Variants in CELF4 observed in about 807,000 individuals in gnomAD.
CELF4 encodes the protein CUG-BP- and ETR-3-like factor 4.
Under a neutral mutation model 59.9 loss-of-function variants are expected in CELF4, and 18 were observed. That is an observed-to-expected ratio of 0.30 (90% CI 0.21 to 0.45). CELF4 has a LOEUF of 0.45. CELF4 is among the 20% of genes least tolerant of loss of function. The pLI, the probability that CELF4 is intolerant of heterozygous loss-of-function variation, is 1.00. For synonymous variants in CELF4, 261 were observed against 267.1 expected, an observed-to-expected ratio of 0.98 and a Z score of 0.22; for missense variants, 456 against 689.0, an observed-to-expected ratio of 0.66 and a Z score of 3.79.
intron 1 of CELF4, among the ~76,000 whole-genome samples, chr18:37,506,934 T>A (rs66492810): frequency 0.19 from 28,315 of 152,216 alleles, 2,831 homozygotes; most frequent in African/African-American, 0.26. Context: ...CACCCTCGTT[T>A]CCTTGGGCCA....
intron 1 of CELF4, among the ~76,000 whole-genome samples, chr18:37,491,875 C>T (rs28379947): frequency 0.012 from 1,803 of 152,290 alleles, 38 homozygotes; most frequent in African/African-American, 0.041. Flanking sequence ...GAATTAATTG[C>T]ACGGAGATGG....
intron 2 of CELF4, among the ~76,000 whole-genome samples, chr18:37,329,423 C>T (rs557742012): frequency 6.6e-6 from 1 of 152,250 alleles, no homozygotes. Flanking sequence ...CCCATGGGCT[C>T]TCAGTCCTAA....
chr18:37,377,368 A>T (rs536902), intron 2 of CELF4, among the ~76,000 whole-genome samples: 133,193 of 152,128 alleles, frequency 0.88, 58,662 homozygotes, highest in African/African-American at 0.97. Context: ...TCCTGGGAGC[A>T]TCAAGGAAAA....
chr18:37,264,621 C>A (rs2076516352), intron 10 of CELF4, 53 bp downstream of exon 10: 1 of 1,479,202 alleles, frequency 6.8e-7, no homozygotes, highest in South Asian at 1.2e-5. Context: ...TGAGCAGCCT[C>A]TTTGGGGACA....
intron 8 of CELF4, among the ~76,000 whole-genome samples, chr18:37,267,107 G>A (rs1277045759): frequency 6.6e-6 from 1 of 152,220 alleles, no homozygotes; most frequent in Non-Finnish European, 1.5e-5. Flanking sequence ...CACTGTCAGG[G>A]AAGCTGCACC....
chr18:37,542,967 T>A (rs1056362212), intron 1 of CELF4, among the ~76,000 whole-genome samples: 4 of 152,000 alleles, frequency 2.6e-5, no homozygotes, highest in Admixed American at 2.6e-4. Context: ...TTGAACTTGG[T>A]TAGAGCCCAA....
Position 37,358,291 on chromosome 18 carries a change from T to C in CELF4, c.370-36410A>G, listed in dbSNP as rs117925957. On this transcript the variant is annotated intron_variant, in intron 2 of 12. Transcript: ENST00000420428. ...TAAGTCTCACAAGATCTGGCAGTTT[T>C]AAAAACGGGAGTTTTTCTGCACAGC... Among the ~76,000 whole-genome samples, 435 of 152,282 alleles carry C rather than the reference T, an allele frequency of 2.9e-3. 19 individuals carry two copies. In the East Asian group the frequency reaches 0.065, roughly 23 times the overall value.
chr18:37,383,079 G>C (rs1409467682), intron 2 of CELF4, among the ~76,000 whole-genome samples: 1 of 152,050 alleles, frequency 6.6e-6, no homozygotes, highest in East Asian at 1.9e-4. Context: ...TGTAGAGATA[G>C]GATCTCACTA....
At chr18:37,334,639 C>A (rs1030419813) in intron 2 of CELF4, among the ~76,000 whole-genome samples, 2 of 152,056 alleles carry the variant, frequency 1.3e-5, no homozygotes, top group African/African-American at 4.8e-5. Flanking sequence ...CCCTCCACTC[C>A]CCCCGGACTG....
chr18:37,257,487 G>C (rs1323208575), intron 11 of CELF4, among the ~76,000 whole-genome samples: 1 of 152,190 alleles, frequency 6.6e-6, no homozygotes, highest in African/African-American at 2.4e-5. Flanking sequence ...CCATGCCATT[G>C]AAAGACCACA....
intron 3 of CELF4, among the ~76,000 whole-genome samples, chr18:37,316,573 C>T (rs142348141): frequency 8.7e-4 from 133 of 152,172 alleles, no homozygotes; most frequent in African/African-American, 3.2e-3. Flanking sequence ...CAAGCCCAAC[C>T]CCTTGGCCTT....
At chr18:37,359,580 G>A (rs988556808) in intron 2 of CELF4, among the ~76,000 whole-genome samples, 1 of 152,126 alleles carries the variant, frequency 6.6e-6, no homozygotes, top group African/African-American at 2.4e-5. Flanking sequence ...GGCCTCAAAC[G>A]ATCCTCATGC....
chr18:37,271,452 C>T (rs531575274), intron 7 of CELF4, among the ~76,000 whole-genome samples: 2 of 152,142 alleles, frequency 1.3e-5, no homozygotes, highest in African/African-American at 2.4e-5. Flanking sequence ...GTTGGGGTTT[C>T]GCCATGTTGG....
At chr18:37,413,264 AC>A (rs1455323037) in intron 2 of CELF4, among the ~76,000 whole-genome samples, 1 of 152,014 alleles carries the variant, frequency 6.6e-6, no homozygotes, top group Non-Finnish European at 1.5e-5. Context: ...GTGTGGGTGG[AC>A]ATGTGTGTTT....
chr18:37,368,145 C>G (rs2098811226), intron 2 of CELF4, among the ~76,000 whole-genome samples: 1 of 152,120 alleles, frequency 6.6e-6, no homozygotes, highest in African/African-American at 2.4e-5. Context: ...ATATATGTCC[C>G]AGGATACAGG....
At chr18:37,392,752 T>G (rs901957931) in intron 2 of CELF4, among the ~76,000 whole-genome samples, 1 of 152,226 alleles carries the variant, frequency 6.6e-6, no homozygotes, top group African/African-American at 2.4e-5. Flanking sequence ...ACTAGCCTGT[T>G]GTGCTACTGA....
At position 37,301,877 on chromosome 18, in the gene CELF4, G is replaced by A. The variant is rs554971280; in HGVS notation, c.448+19926C>T. ...GTGTGGGAAAGTTCCTGTCCACGGA[G>A]CAGGTAGGTCTCTGGCATGGCATGC... is the stretch of plus-strand genomic sequence containing the variant. On this transcript the variant is annotated intron_variant, in intron 3 of 12. Transcript: ENST00000420428. 1.2e-3 allele frequency among the ~76,000 whole-genome samples: 179 copies of A among 152,286 alleles called. 1 individual carries two copies. The highest frequency in any genetic ancestry group is 4.1e-3 in the African/African-American group (169 of 41,566).
intron 2 of CELF4, among the ~76,000 whole-genome samples, chr18:37,326,282 C>G (rs1188685579): frequency 2.6e-5 from 4 of 152,140 alleles, no homozygotes; most frequent in East Asian, 1.9e-4. Flanking sequence ...AGGAGGAAGA[C>G]CAGAAGGCCA....
intron 2 of CELF4, among the ~76,000 whole-genome samples, chr18:37,402,669 A>G (rs1365466212): frequency 6.6e-6 from 1 of 152,196 alleles, no homozygotes; most frequent in Non-Finnish European, 1.5e-5. Flanking sequence ...GCCAAAGAGT[A>G]AGTAAAAGTT....
Sources: gnomAD v4.1 joint callset for allele counts (sites outside exome capture counted in the v4.1 genomes callset) on GRCh38, gnomAD v4.1.1 for gene constraint, MANE v1.5 for transcripts, NCBI Gene and HGNC (gene_info 2026-07-23, HGNC 2026-07-21) for gene names.